The following CRYL1 variants were observed in gnomAD, a reference collection of about 807,000 sequenced individuals.
The protein encoded by CRYL1 is lambda-crystallin homolog.
CRYL1 carries 29 observed loss-of-function variants against 36.6 expected under a neutral mutation model. The observed-to-expected ratio is 0.79, with a 90% confidence interval of 0.59 to 1.08. The LOEUF (loss-of-function observed/expected upper bound fraction) is 1.08. Ranked by LOEUF, CRYL1 falls within the 50% of genes least tolerant of loss-of-function variation. The pLI is 0.00. For synonymous variants in CRYL1, 152 were observed against 151.5 expected (o/e 1.00, Z -0.02); for missense variants, 411 against 407.9 (o/e 1.01, Z -0.06).
intron 3 of CRYL1, among the ~76,000 whole-genome samples, chr13:20,470,929 A>AAC (rs1247817156): frequency 3.4e-5 from 5 of 148,414 alleles, no homozygotes; most frequent in African/African-American, 1.3e-4. Flanking sequence ...AAAAAAAACA[A>AAC]AAAAAAAAAC....
At chr13:20,499,339 C>T (rs2033663807) in intron 2 of CRYL1, among the ~76,000 whole-genome samples, 1 of 114,066 alleles carries the variant, frequency 8.8e-6, no homozygotes, top group Admixed American at 1.1e-4. Flanking sequence ...GAGTGAGACC[C>T]TGTCTCAAAA....
intron 3 of CRYL1, among the ~76,000 whole-genome samples, chr13:20,460,676 C>T (rs1172243989): frequency 6.6e-6 from 1 of 151,992 alleles, no homozygotes; most frequent in African/African-American, 2.4e-5. Context: ...CAGGCGCCCG[C>T]CACTACGCCC....
rs1593422134 is a variant in CRYL1 at position 20,404,171 on chromosome 13, G to A, written c.918C>T (p.Leu306=). The change falls in exon 8 of 8, where the codon CTC becomes CTT. Residue 306 remains leucine (L), a synonymous_variant. Coordinates refer to ENST00000298248, the MANE Select transcript of CRYL1 (RefSeq NM_015974.3). The stretch of plus-strand genomic sequence containing the variant: ...GACTCTTCAACTTGGCGAGTCTCAT[G>A]AGGCACTCGTCCCTCCACTGCCTCC... ...AARRQWRDEC[L]MRLAKLKSQV... The A allele has an allele frequency of 6.2e-7, 1 of 1,614,056 alleles. No individual in the cohort carries two copies. The highest frequency in any genetic ancestry group is 8.5e-7 in the Non-Finnish European group (1 of 1,179,968).
At chr13:20,457,398 C>T (rs1306642872) in intron 3 of CRYL1, among the ~76,000 whole-genome samples, 2 of 152,210 alleles carry the variant, frequency 1.3e-5, no homozygotes, top group Non-Finnish European at 2.9e-5. Context: ...TCACCAAACT[C>T]ACTGGCTAAA....
intron 3 of CRYL1, among the ~76,000 whole-genome samples, chr13:20,461,712 T>C (rs939982867): frequency 6.6e-6 from 1 of 151,910 alleles, no homozygotes; most frequent in Admixed American, 6.6e-5. Context: ...GGAGAAAACC[T>C]GATTGATTCT....
chr13:20,489,728 G>A (rs1195720064), intron 2 of CRYL1, among the ~76,000 whole-genome samples: 2 of 152,184 alleles, frequency 1.3e-5, no homozygotes, highest in Non-Finnish European at 2.9e-5. Flanking sequence ...CAACCGCTAT[G>A]GAAAACAGAT....
intron 6 of CRYL1, among the ~76,000 whole-genome samples, chr13:20,412,968 C>A (rs2031560797): frequency 1.3e-5 from 2 of 152,220 alleles, no homozygotes; most frequent in African/African-American, 4.8e-5. Flanking sequence ...CCTCAGGAAA[C>A]TACCACTTTC....
intron 3 of CRYL1, among the ~76,000 whole-genome samples, chr13:20,467,353 T>C (rs1280205900): frequency 6.6e-6 from 1 of 152,220 alleles, no homozygotes; most frequent in East Asian, 1.9e-4. Context: ...AAAGTATAAA[T>C]GACAAAGTTC....
At chr13:20,454,863 A>T (rs1445844884) in intron 3 of CRYL1, among the ~76,000 whole-genome samples, 1 of 151,496 alleles carries the variant, frequency 6.6e-6, no homozygotes, top group African/African-American at 2.4e-5. Context: ...ATTGGGAATA[A>T]GGCAAGCTGT....
chr13:20,410,144 C>T (rs1015607754), intron 6 of CRYL1, among the ~76,000 whole-genome samples: 8 of 150,510 alleles, frequency 5.3e-5, no homozygotes, highest in African/African-American at 2.0e-4. Flanking sequence ...AAATGTCCAA[C>T]AATGATAGAC....
At chr13:20,478,178 G>C (rs2033203893) in intron 3 of CRYL1, among the ~76,000 whole-genome samples, 1 of 151,884 alleles carries the variant, frequency 6.6e-6, no homozygotes, top group African/African-American at 2.4e-5. Context: ...TGTATGCCAT[G>C]ACCACTTTTG....
Position 20,404,117 on chromosome 13 carries a change from A to G in CRYL1, c.*12T>C, listed in dbSNP as rs1211035801. On this transcript the variant is annotated 3_prime_UTR_variant, in exon 8 of 8. Coordinates refer to ENST00000298248, the MANE Select transcript of CRYL1 (RefSeq NM_015974.3). Reference sequence around the variant, plus strand: ...CTCCAATGAGAGGAGTGGAAGCTGCATTACAAGAAATTCACTGGGGCTGCA... The same window carrying G: ...CTCCAATGAGAGGAGTGGAAGCTGCGTTACAAGAAATTCACTGGGGCTGCA... The G allele has an allele frequency of 1.3e-6, 2 of 1,591,606 alleles. No individual in the cohort carries two copies. Among genetic ancestry groups the G allele is most frequent in the Admixed American group, 1.7e-5 (1 of 59,964 alleles).
intron 5 of CRYL1, among the ~76,000 whole-genome samples, chr13:20,416,744 T>C (rs1417780069): frequency 6.6e-6 from 1 of 152,150 alleles, no homozygotes; most frequent in East Asian, 1.9e-4. Flanking sequence ...GATTGCAAAA[T>C]AGAAAAAAGG....
At chr13:20,424,820 C>A (rs942860238) in intron 5 of CRYL1, among the ~76,000 whole-genome samples, 2 of 152,196 alleles carry the variant, frequency 1.3e-5, no homozygotes, top group Non-Finnish European at 1.5e-5. Flanking sequence ...CGCTGAGATA[C>A]ACGGAGCTCT....
chr13:20,428,970 A>G (rs2031993574), intron 5 of CRYL1, among the ~76,000 whole-genome samples: 1 of 152,160 alleles, frequency 6.6e-6, no homozygotes, highest in South Asian at 2.1e-4. Flanking sequence ...AAGGCTGTCA[A>G]ACTTCAACTT....
chr13:20,507,676 T>A (rs2033818725), intron 2 of CRYL1, among the ~76,000 whole-genome samples: 1 of 152,154 alleles, frequency 6.6e-6, no homozygotes, highest in South Asian at 2.1e-4. Context: ...CCCAGCACTT[T>A]GGGAGGCCAA....
At chr13:20,506,856 A>G (rs1287945888) in intron 2 of CRYL1, among the ~76,000 whole-genome samples, 1 of 152,204 alleles carries the variant, frequency 6.6e-6, no homozygotes, top group Non-Finnish European at 1.5e-5. Flanking sequence ...TAAGGATGTG[A>G]TATGGTTTGG....
rs1421012772 is a variant in CRYL1, at chr13:20,525,346, T to C, written c.41+408A>G. On this transcript the variant is annotated intron_variant, in intron 1 of 7. Transcript: ENST00000298248. The surrounding 1 kb of genome is among the most constrained non-coding windows in gnomAD (Gnocchi z 4.3). The stretch of plus-strand genomic sequence containing the variant: ...AGTCTCAGTATTCTCATTCGTAAAA[T>C]GGGGATGAGAACACAGTCGTCGCAG... Among the ~76,000 whole-genome samples the C allele has an allele frequency of 1.3e-5, 2 of 152,150 alleles. No homozygotes were observed. The highest frequency in any genetic ancestry group is 2.4e-5 in the African/African-American group (1 of 41,436).
chr13:20,510,603 A>C lies in CRYL1; in HGVS notation c.149+1840T>G, dbSNP rs111765979. 1.1e-3 allele frequency among the ~76,000 whole-genome samples: 144 copies of C among 126,368 alleles called. 2 individuals are homozygous for C. Among genetic ancestry groups the C allele is most frequent in the African/African-American group, 4.3e-3 (140 of 32,806 alleles). 82.9% of individuals were successfully genotyped at this position (126,368 alleles called of 152,430 possible). On this transcript the variant is annotated intron_variant, in intron 2 of 7. Transcript: ENST00000298248. ...TCCAAATCCATAGAGTGTAAACACC[A>C]AGTGAATCTTTTTTTTTTTTTTTTT... is the stretch of plus-strand genomic sequence containing the variant.
Sources: gnomAD v4.1 joint callset for allele counts (sites outside exome capture counted in the v4.1 genomes callset) on GRCh38, gnomAD v4.1.1 for gene constraint, Gnocchi (gnomAD v3.1) non-coding constraint, MANE v1.5 for transcripts, NCBI Gene and HGNC (gene_info 2026-07-23, HGNC 2026-07-21) for gene names.